TUSC3: variants seen among roughly 807,000 people sequenced by gnomAD.
TUSC3 encodes the protein tumor suppressor candidate 3, also known as dolichyl-diphosphooligosaccharide--protein glycosyltransferase subunit TUSC3.
TUSC3 carries 45 observed loss-of-function variants against 44.8 expected under a neutral mutation model. That is an observed-to-expected ratio of 1.00 (90% CI 0.79 to 1.29). TUSC3 has a LOEUF of 1.29. Ranked by LOEUF, TUSC3 falls within the 50% of genes most tolerant of loss-of-function variation. TUSC3 has a pLI of 0.00. For missense variants in TUSC3, 519 were observed against 437.9 expected, an observed-to-expected ratio of 1.19 and a Z score of -1.65; for synonymous variants, 212 against 152.9, an observed-to-expected ratio of 1.39 and a Z score of -2.85.
At chr8:15,822,200 C>A in the TUSC3 span, among the ~76,000 whole-genome samples, 1 of 152,128 alleles carries the variant, frequency 6.6e-6, no homozygotes, top group Admixed American at 6.5e-5. Flanking sequence ...AACGGGTGAA[C>A]TGTCAAAACT....
At chr8:15,453,023 T>G (rs1800214439) in intron 1 of TUSC3, among the ~76,000 whole-genome samples, 1 of 152,030 alleles carries the variant, frequency 6.6e-6, no homozygotes, top group African/African-American at 2.4e-5. Flanking sequence ...TCTAGTACCC[T>G]GAGGAACTGC....
intron 1 of TUSC3, among the ~76,000 whole-genome samples, chr8:15,571,936 G>T (rs1395906056): frequency 2.6e-5 from 4 of 152,082 alleles, no homozygotes; most frequent in Non-Finnish European, 1.5e-5. Flanking sequence ...AAACATAGGT[G>T]CTGTTTTTCA....
At chr8:15,510,166 T>C (rs1801112718) in intron 2 of TUSC3, among the ~76,000 whole-genome samples, 1 of 152,032 alleles carries the variant, frequency 6.6e-6, no homozygotes, top group Non-Finnish European at 1.5e-5. Context: ...TGCCTTTAGA[T>C]TAATACATTT....
intron 1 of TUSC3, among the ~76,000 whole-genome samples, chr8:15,453,776 C>G (rs984832308): frequency 1.3e-5 from 2 of 152,130 alleles, no homozygotes; most frequent in Non-Finnish European, 2.9e-5. Flanking sequence ...CTCCCCCTAC[C>G]CACAACCAGG....
At chr8:15,596,723 G>A (rs1804086374) in intron 1 of TUSC3, among the ~76,000 whole-genome samples, 1 of 152,104 alleles carries the variant, frequency 6.6e-6, no homozygotes, top group Admixed American at 6.6e-5. Context: ...GAGATGTGGT[G>A]TGGGTATTCA....
chr8:15,480,948 A>G (rs1800649749), intron 1 of TUSC3, among the ~76,000 whole-genome samples: 1 of 152,124 alleles, frequency 6.6e-6, no homozygotes, highest in Non-Finnish European at 1.5e-5. Flanking sequence ...CCTTTGCAAC[A>G]GTATTAAGAA....
chr8:15,510,764 G>A (rs1291427838), intron 2 of TUSC3, among the ~76,000 whole-genome samples: 2 of 129,436 alleles, frequency 1.5e-5, no homozygotes, highest in Non-Finnish European at 1.9e-5. Context: ...ACAAAACCAA[G>A]ATACTATTTA....
chr8:15,418,099 A>C (rs973011276), intron 1 of TUSC3, among the ~76,000 whole-genome samples: 4 of 152,238 alleles, frequency 2.6e-5, no homozygotes, highest in African/African-American at 9.6e-5. Context: ...TTTTATGTCA[A>C]GGAAACCAAG....
rs954869784 is a variant in TUSC3, at chr8:15,662,035, A to T, written c.568-121A>T. The T allele has an allele frequency of 2.8e-6, 3 of 1,088,778 alleles. No homozygotes were observed. The African/African-American group carries it at 4.7e-5, about 17-fold the overall frequency. 67.4% of individuals were successfully genotyped at this position (1,088,778 alleles called of 1,614,324 possible). A position where few individuals can be genotyped will look rare whatever the true frequency, so the allele number is the denominator to read the frequency against. On this transcript the variant is annotated intron_variant, in intron 4 of 10. Transcript: ENST00000503731. ...AATGAAAGTAGTGCTAGTGTCACGT[A>T]TGAAAAGTTGGGTGGCATGTTTCTG... is the stretch of plus-strand genomic sequence containing the variant.
At chr8:15,506,198 C>T (rs2129127652) in intron 2 of TUSC3, among the ~76,000 whole-genome samples, 1 of 152,234 alleles carries the variant, frequency 6.6e-6, no homozygotes, top group Admixed American at 6.5e-5. Flanking sequence ...TAAAGGCCTC[C>T]AAAGCAGCCT....
At chr8:15,493,762 C>T (rs190731855) in intron 2 of TUSC3, among the ~76,000 whole-genome samples, 2 of 152,142 alleles carry the variant, frequency 1.3e-5, no homozygotes, top group African/African-American at 4.8e-5. Context: ...AAGTGAGCCC[C>T]CAAAATAAAA....
At chr8:15,539,380 T>G (rs1391509583), upstream of TUSC3, among the ~76,000 whole-genome samples, 6 of 111,170 alleles carry the variant, frequency 5.4e-5, no homozygotes, top group South Asian at 1.2e-3. Flanking sequence ...TGAGACAGAG[T>G]CTCATTCTGT....
intron 1 of TUSC3, among the ~76,000 whole-genome samples, chr8:15,583,002 A>G (rs1162242460): frequency 2.0e-5 from 3 of 152,168 alleles, no homozygotes; most frequent in South Asian, 4.1e-4. Flanking sequence ...GTACATTTTT[A>G]TTTTGATTTC....
At chr8:15,451,333 C>T (rs899533232) in intron 1 of TUSC3, among the ~76,000 whole-genome samples, 4 of 152,096 alleles carry the variant, frequency 2.6e-5, no homozygotes, top group African/African-American at 9.7e-5. Flanking sequence ...CTGGGGCCTC[C>T]TGGGTAGCTC....
intron 1 of TUSC3, among the ~76,000 whole-genome samples, chr8:15,589,922 G>A (rs1207044123): frequency 6.6e-6 from 1 of 152,174 alleles, no homozygotes; most frequent in Admixed American, 6.5e-5. Context: ...AGGAAAGAAC[G>A]GATCAACTTC....
chr8:15,467,466 G>T lies in TUSC3; in HGVS notation n.92-15920G>T, dbSNP rs190092482. 3.9e-5 allele frequency among the ~76,000 whole-genome samples: 6 copies of T among 152,204 alleles called. No homozygotes were observed. In the East Asian group the frequency reaches 1.2e-3, roughly 29 times the overall value. ...TACTGCCTTAGAGTATAATTCTGCT[G>T]TGGGCTAGGACACTTCTAATTTCTA... On this transcript the variant is annotated intron_variant and non_coding_transcript_variant, in intron 1 of 5. Coordinates refer to the TUSC3 transcript ENST00000503191.
intron 6 of TUSC3, among the ~76,000 whole-genome samples, chr8:15,676,826 G>A (rs28459228): frequency 0.09 from 13,628 of 152,096 alleles, 1,974 homozygotes; most frequent in African/African-American, 0.31. Flanking sequence ...TGCATATTTT[G>A]CAGCTAAGAA....
At chr8:15,847,379 G>A in the TUSC3 span, among the ~76,000 whole-genome samples, 1 of 152,078 alleles carries the variant, frequency 6.6e-6, no homozygotes, top group Admixed American at 6.6e-5. Context: ...TTGTGATTTT[G>A]CAAACTTCTC....
In TUSC3 at chr8:15,743,524, G is replaced by T; in HGVS notation, c.863-14G>T. 1 of 1,613,738 alleles carries T rather than the reference G, an allele frequency of 6.2e-7. No individual in the cohort carries two copies. Among genetic ancestry groups the T allele is most frequent in the South Asian group, 1.1e-5 (1 of 91,068 alleles). On this transcript the variant is annotated splice_polypyrimidine_tract_variant and intron_variant, in intron 7 of 10. Coordinates refer to ENST00000503731, the MANE Select transcript of TUSC3 (RefSeq NM_006765.4). The stretch of plus-strand genomic sequence containing the variant: ...TCACATCTATGTCTACGGCTTCCTT[G>T]ACAACTACTGCAGATGCCGCTATCA...
Sources: allele counts gnomAD v4.1 joint callset (sites outside exome capture counted in the v4.1 genomes callset), GRCh38; gene constraint gnomAD v4.1.1; transcripts MANE v1.5; gene names NCBI Gene and HGNC (gene_info 2026-07-23, HGNC 2026-07-21).